The following ASIC2 variants were observed in gnomAD, a reference collection of about 807,000 sequenced individuals.
ASIC2 encodes the protein acid sensing ion channel subunit 2, also known as acid-sensing ion channel 2.
A neutral mutation model predicts 57.3 loss-of-function variants in ASIC2; 25 were observed. The ratio of observed to expected loss-of-function variants is 0.44; its 90% confidence interval spans 0.32 to 0.61. ASIC2 has a LOEUF of 0.61. Among genes scored for constraint, ASIC2 ranks in the 20% least tolerant of loss-of-function variants. The probability of loss-of-function intolerance (pLI) is 0.06; values close to 1 mark genes in which losing one functional copy is unlikely to be tolerated. For missense variants in ASIC2, 641 were observed against 738.1 expected, an observed-to-expected ratio of 0.87 and a Z score of 1.52; for synonymous variants, 319 against 307.5, an observed-to-expected ratio of 1.04 and a Z score of -0.39.
chr17:33,234,866 A>G (rs1318237891), intron 1 of ASIC2, among the ~76,000 whole-genome samples: 1 of 152,186 alleles, frequency 6.6e-6, no homozygotes, highest in African/African-American at 2.4e-5. Flanking sequence ...GGATTTCAAC[A>G]TATACATCTT....
chr17:34,058,585 G>A (rs982846904), intron 1 of ASIC2, among the ~76,000 whole-genome samples: 1 of 152,244 alleles, frequency 6.6e-6, no homozygotes, highest in African/African-American at 2.4e-5. Context: ...GCCTTGAAAC[G>A]CTGTCCTTGA....
chr17:33,361,418 A>G (rs1283761447), intron 1 of ASIC2, among the ~76,000 whole-genome samples: 1 of 152,132 alleles, frequency 6.6e-6, no homozygotes. Flanking sequence ...TGGCTAGGAG[A>G]GTAATAACCA....
At chr17:33,589,117 G>A (rs1904743067) in intron 1 of ASIC2, among the ~76,000 whole-genome samples, 2 of 152,152 alleles carry the variant, frequency 1.3e-5, no homozygotes. Flanking sequence ...TTATCAAATT[G>A]TCACAGTGTG....
chr17:33,539,314 T>G (rs8080422), intron 1 of ASIC2, among the ~76,000 whole-genome samples: 81,329 of 151,762 alleles, frequency 0.54, 21,792 homozygotes, highest in East Asian at 0.6. Flanking sequence ...CTTTCCCTGG[T>G]GTCAATCAAG....
At chr17:33,885,317 A>C (rs1914803088) in intron 1 of ASIC2, among the ~76,000 whole-genome samples, 1 of 152,170 alleles carries the variant, frequency 6.6e-6, no homozygotes, top group African/African-American at 2.4e-5. Context: ...ACCTCATAGG[A>C]TTTTCGAGGG....
At chr17:33,045,746 T>C (rs1388222023) in intron 3 of ASIC2, among the ~76,000 whole-genome samples, 4 of 152,162 alleles carry the variant, frequency 2.6e-5, no homozygotes, top group Non-Finnish European at 5.9e-5. Context: ...GCAATTTTCA[T>C]TCCAGATTGC....
At position 33,647,261 on chromosome 17, in the gene ASIC2, A is replaced by T. The variant is rs192384115; in HGVS notation, c.555+508717T>A. Among the ~76,000 whole-genome samples, 655 of 152,328 alleles carry T rather than the reference A, an allele frequency of 4.3e-3. 5 individuals carry two copies. The highest frequency in any genetic ancestry group is 0.015 in the African/African-American group (620 of 41,570). ...TCAGGAGGATTAAAAGTGGTAGCGTATGTCAAGGATCCAGCCCACTCCTTG... is the reference window on the plus strand; with the variant it reads ...TCAGGAGGATTAAAAGTGGTAGCGTTTGTCAAGGATCCAGCCCACTCCTTG... On this transcript the variant is annotated intron_variant, in intron 1 of 9. Coordinates refer to the ASIC2 transcript ENST00000359872.
At chr17:33,336,033 G>A (rs1486642942) in intron 1 of ASIC2, among the ~76,000 whole-genome samples, 1 of 152,098 alleles carries the variant, frequency 6.6e-6, no homozygotes, top group Non-Finnish European at 1.5e-5. Flanking sequence ...CCCCAATCCT[G>A]TGGAGGGGTG....
chr17:33,583,109 T>C (rs1904496072), intron 1 of ASIC2, among the ~76,000 whole-genome samples: 1 of 152,214 alleles, frequency 6.6e-6, no homozygotes, highest in Non-Finnish European at 1.5e-5. Context: ...TGGTCTAAGG[T>C]AAGGCTTCTT....
intron 1 of ASIC2, among the ~76,000 whole-genome samples, chr17:33,484,419 T>C (rs1003315433): frequency 6.6e-6 from 1 of 152,202 alleles, no homozygotes; most frequent in Non-Finnish European, 1.5e-5. Context: ...CTGGCCAGTA[T>C]AAATATGACA....
chr17:33,918,265 T>C (rs1366549876), intron 1 of ASIC2, among the ~76,000 whole-genome samples: 1 of 152,152 alleles, frequency 6.6e-6, no homozygotes, highest in African/African-American at 2.4e-5. Flanking sequence ...TCTCCTCTGA[T>C]CTCCCAAAGC....
At chr17:33,981,655 GA>G (rs1401866867) in intron 1 of ASIC2, among the ~76,000 whole-genome samples, 1 of 149,586 alleles carries the variant, frequency 6.7e-6, no homozygotes, top group African/African-American at 2.5e-5. Context: ...TGGAAAGGGG[GA>G]AAGAGGAGAA....
chr17:33,372,461 TA>T (rs760754675), intron 1 of ASIC2, among the ~76,000 whole-genome samples: 7 of 152,192 alleles, frequency 4.6e-5, no homozygotes, highest in Non-Finnish European at 8.8e-5. Flanking sequence ...AGAAAGGGTT[TA>T]GGGGCATGAA....
chr17:34,099,729 A>G (rs1195980450), intron 1 of ASIC2, among the ~76,000 whole-genome samples: 2 of 119,588 alleles, frequency 1.7e-5, no homozygotes, highest in African/African-American at 7.0e-5. Flanking sequence ...AAAGAAGGAA[A>G]GAAGGAAAGA....
At position 33,533,171 on chromosome 17, in the gene ASIC2, C is replaced by G. The variant is rs548944184; in HGVS notation, c.556-421104G>C. Among the ~76,000 whole-genome samples the G allele has an allele frequency of 2.1e-4, 32 of 152,154 alleles. No individual in the cohort carries two copies. The South Asian group carries it at 6.0e-3, about 29-fold the overall frequency. On this transcript the variant is annotated intron_variant, in intron 1 of 9. Transcript: ENST00000359872. ...GACCAGCCTGGCCAACATGGTGAAA[C>G]CCCATCTCTACTAAAAATACAAAAA...
At chr17:33,554,982 C>T (rs1915862769) in intron 1 of ASIC2, among the ~76,000 whole-genome samples, 1 of 152,082 alleles carries the variant, frequency 6.6e-6, no homozygotes, top group South Asian at 2.1e-4. Context: ...CTCTCAATGA[C>T]TCTGCAAGAT....
intron 1 of ASIC2, among the ~76,000 whole-genome samples, chr17:33,736,496 A>G (rs1422581431): frequency 6.6e-6 from 1 of 152,170 alleles, no homozygotes; most frequent in Non-Finnish European, 1.5e-5. Context: ...CAGCCTATGG[A>G]GACCGTGAAG....
intron 1 of ASIC2, among the ~76,000 whole-genome samples, chr17:33,393,209 C>T (rs1909963015): frequency 1.3e-5 from 2 of 152,206 alleles, no homozygotes; most frequent in African/African-American, 4.8e-5. Flanking sequence ...AGCTCCTGAT[C>T]TTGGCTTTCA....
intron 1 of ASIC2, among the ~76,000 whole-genome samples, chr17:33,961,336 G>T (rs1163058745): frequency 6.6e-6 from 1 of 152,206 alleles, no homozygotes; most frequent in African/African-American, 2.4e-5. Context: ...GGACCCAGCA[G>T]GGATAACAGG....
Sources: gnomAD v4.1 joint callset for allele counts (sites outside exome capture counted in the v4.1 genomes callset) on GRCh38, gnomAD v4.1.1 for gene constraint, MANE v1.5 for transcripts, NCBI Gene and HGNC (gene_info 2026-07-23, HGNC 2026-07-21) for gene names.